CLDND1: variants seen among roughly 807,000 people sequenced by gnomAD.
CLDND1 encodes the protein claudin domain-containing protein 1.
CLDND1 carries 13 observed loss-of-function variants against 26.3 expected under a neutral mutation model. The observed-to-expected ratio is 0.49, with a 90% CI of 0.32 to 0.78. CLDND1 has a LOEUF of 0.78. CLDND1 is among the 30% of genes least tolerant of loss of function. The pLI is 0.03. For missense variants in CLDND1, 289 were observed against 312.8 expected (o/e 0.92, Z 0.57); for synonymous variants, 107 against 107.0 (o/e 1.00, Z 0.00).
Position 98,521,113 on chromosome 3 carries a change from A to G in CLDND1, c.292+20T>C. ...TTATTAACCAGGTGAAGAAGACAGA[A>G]GTTAAAATAAGAGAAATACCTGTCC... On this transcript the variant is annotated intron_variant, in intron 2 of 4. Coordinates refer to ENST00000341181, the MANE Select transcript of CLDND1 (RefSeq NM_001040181.2). The G allele has an allele frequency of 1.9e-6, 3 of 1,592,818 alleles. No individual in the cohort carries two copies. Among genetic ancestry groups the G allele is most frequent in the East Asian group, 2.2e-5 (1 of 44,550 alleles).
Position 98,515,688 on chromosome 3 carries a change from A to G in CLDND1, c.*971T>C. ...TAATGTTGATACACACCAGGAAGGGATTTAGGCAAGGAAAGGCACATCATA... is the reference window on the plus strand; with the variant it reads ...TAATGTTGATACACACCAGGAAGGGGTTTAGGCAAGGAAAGGCACATCATA... On this transcript the variant is annotated 3_prime_UTR_variant, in exon 5 of 5. Coordinates refer to ENST00000341181, the MANE Select transcript of CLDND1 (RefSeq NM_001040181.2). 7.8e-7 allele frequency: 1 copy of G among 1,286,042 alleles called. No homozygotes were observed. Among genetic ancestry groups the G allele is most frequent in the Non-Finnish European group, 1.0e-6 (1 of 986,588 alleles). 79.7% of individuals were successfully genotyped at this position (1,286,042 alleles called of 1,614,324 possible).
intron 3 of CLDND1, among the ~76,000 whole-genome samples, chr3:98,517,833 T>C (rs981314671): frequency 9.2e-5 from 14 of 152,132 alleles, no homozygotes; most frequent in African/African-American, 3.1e-4. Flanking sequence ...CTTGTAAAAA[T>C]AACACAGTAA....
rs940411153 is a variant in CLDND1 at position 98,515,995 on chromosome 3, A to G, written c.*664T>C. 10 of 1,175,670 alleles carry G rather than the reference A, an allele frequency of 8.5e-6. No homozygotes were observed. Among genetic ancestry groups the G allele is most frequent in the Non-Finnish European group, 1.1e-5 (10 of 935,768 alleles). 72.8% of individuals were successfully genotyped at this position (1,175,670 alleles called of 1,614,324 possible). On this transcript the variant is annotated 3_prime_UTR_variant, in exon 5 of 5. Transcript: ENST00000341181. ...CTTACGGAGAGTTAAAAATAATACT[A>G]ATCCTCGCCCGGCTGAACTGGAATT...
At position 98,521,404 on chromosome 3, in the gene CLDND1, T is replaced by C. The variant is rs752923629; in HGVS notation, c.21A>G (p.Thr7=). 6.2e-6 allele frequency: 10 copies of C among 1,614,006 alleles called. No homozygotes were observed. In the East Asian group the frequency reaches 2.2e-4, roughly 36 times the overall value. MDNRFA[T]AFVIACVLSL... Reference sequence around the variant, plus strand: ...TAAGCACACAAGCAATTACAAATGCTGTAGCAAAACGGTTATCCATTCTGG... The same window carrying C: ...TAAGCACACAAGCAATTACAAATGCCGTAGCAAAACGGTTATCCATTCTGG... The change falls in exon 2 of 5, where the codon ACA becomes ACG. Residue 7 remains threonine (T), a synonymous_variant. Transcript: ENST00000341181.
chr3:98,518,202 T>C (rs961563864), intron 3 of CLDND1, among the ~76,000 whole-genome samples: 6 of 152,196 alleles, frequency 3.9e-5, no homozygotes, highest in African/African-American at 1.4e-4. Context: ...TTTTCTAACT[T>C]ACTTTCTTTC....
In CLDND1 at chr3:98,517,078, G is replaced by A; in HGVS notation, c.515C>T (p.Ala172Val). The A allele has an allele frequency of 6.2e-7, 1 of 1,614,156 alleles. No homozygotes were observed. Among genetic ancestry groups the A allele is most frequent in the South Asian group, 1.1e-5 (1 of 91,082 alleles). ...CICRSLYPTI[A>V]TGILHLLAGL... ...TGCAAGGAGATGGAGAATGCCCGTG[G>A]CAATGGTGGGATATAAGCTTCGGCA... Residue 172 changes from alanine to valine, a missense_variant, in exon 4 of 5, where the codon GCC (alanine) becomes GTC (valine). Transcript: ENST00000341181.
intron 1 of CLDND1, 62 bp downstream of exon 1, chr3:98,522,787 C>A: frequency 6.2e-7 from 1 of 1,613,090 alleles, no homozygotes; most frequent in South Asian, 1.1e-5. Flanking sequence ...CCTCTTCAAA[C>A]CGCCGGGAAC....
At chr3:98,518,848 G>A (rs1266058282) in intron 3 of CLDND1, 37 bp downstream of exon 3, 3 of 1,176,126 alleles carry the variant, frequency 2.6e-6, no homozygotes, top group Non-Finnish European at 3.8e-6. Flanking sequence ...AATTATCTTT[G>A]TTCCCCCAAC....
intron 2 of CLDND1, among the ~76,000 whole-genome samples, chr3:98,520,253 C>G (rs751111686): frequency 9.2e-5 from 14 of 152,206 alleles, no homozygotes; most frequent in Non-Finnish European, 2.1e-4. Context: ...TCAAGTGCTC[C>G]TGTAACCTCA....
In CLDND1 at chr3:98,516,888, A is replaced by G. The variant is rs974750449; in HGVS notation, c.542-9T>C. ...GCCCAGTGTACACAGACCTTGGGGG[A>G]AAATTTAGAAAACAAAACAAAACAT... On this transcript the variant is annotated splice_polypyrimidine_tract_variant and intron_variant, in intron 4 of 4. Coordinates refer to ENST00000341181, the MANE Select transcript of CLDND1 (RefSeq NM_001040181.2). 24 of 1,613,500 alleles carry G rather than the reference A, an allele frequency of 1.5e-5. No homozygotes were observed. The East Asian group carries it at 5.1e-4, about 34-fold the overall frequency.
Position 98,521,018 on chromosome 3 carries a change from T to C in CLDND1, c.292+115A>G, listed in dbSNP as rs955658510. The C allele has an allele frequency of 2.6e-5, 22 of 855,220 alleles. No homozygotes were observed. The Admixed American group carries it at 3.7e-4, about 14-fold the overall frequency. 53.0% of individuals were successfully genotyped at this position (855,220 alleles called of 1,614,324 possible). On this transcript the variant is annotated intron_variant, in intron 2 of 4. Coordinates refer to ENST00000341181, the MANE Select transcript of CLDND1 (RefSeq NM_001040181.2). ...AGAAAGAGAAGATACACGATTTATT[T>C]CTTTAAGGAGAGAGAGAACCAACAA... is the stretch of plus-strand genomic sequence containing the variant.
Position 98,516,130 on chromosome 3 carries a change from T to G in CLDND1, c.*529A>C. 1 of 1,069,824 alleles carries G rather than the reference T, an allele frequency of 9.3e-7. No individual in the cohort carries two copies. Among genetic ancestry groups the G allele is most frequent in the Non-Finnish European group, 1.1e-6 (1 of 878,538 alleles). The allele number at this position is 1,069,824 out of a possible 1,614,324, so 66.3% of individuals were successfully genotyped here. On this transcript the variant is annotated 3_prime_UTR_variant, in exon 5 of 5. Coordinates refer to ENST00000341181, the MANE Select transcript of CLDND1 (RefSeq NM_001040181.2). ...CCATATCTCACCTCAGATGAAGCTA[T>G]GTGTCAATGCTTAGGGAAAATGATC...
chr3:98,522,769 AG>A, intron 1 of CLDND1, 79 bp downstream of exon 1: 1 of 1,610,820 alleles, frequency 6.2e-7, no homozygotes, highest in Admixed American at 1.7e-5. Flanking sequence ...ACGCCCGGGA[AG>A]GGGGCCCCTC....
At chr3:98,517,362 T>TTTTACTTTTATCAG in intron 3 of CLDND1, 173 bp from the exon 4 acceptor site, 2 of 718,436 alleles carry the variant, frequency 2.8e-6, no homozygotes, top group Non-Finnish European at 4.5e-6. Context: ...ACTCTTGTCC[T>TTTTACTTTTATCAG]GATAAAAGTA....
At chr3:98,521,480 T>A in intron 1 of CLDND1, 38 bp from the exon 2 acceptor site, 1 of 1,578,204 alleles carries the variant, frequency 6.3e-7, no homozygotes, top group Non-Finnish European at 8.7e-7. Context: ...AGTTAGAGTT[T>A]ACGGACAAAT....
At position 98,517,122 on chromosome 3, in the gene CLDND1, G is replaced by C. The variant is rs755869773; in HGVS notation, c.471C>G (p.Ile157Met). ...SLGLMCFGALIGLCACICRSL... is the reference protein window; with the variant it reads ...SLGLMCFGALMGLCACICRSL... ...TTCGGCAAATGCAAGCACAAAGTCC[G>C]ATCAAAGCCCCAAAGCACATCAAAC... Residue 157 changes from isoleucine to methionine, a missense_variant, in exon 4 of 5, where the codon ATC becomes ATG. Transcript: ENST00000341181. 2 of 1,614,128 alleles carry C rather than the reference G, an allele frequency of 1.2e-6. No individual in the cohort carries two copies. The highest frequency in any genetic ancestry group is 1.7e-6 in the Non-Finnish European group (2 of 1,180,000).
In CLDND1 at chr3:98,521,230, A is replaced by G. The variant is rs917776008; in HGVS notation, c.195T>C (p.Asn65=). Residue 65 remains asparagine, a synonymous_variant, in exon 2 of 5, where the codon AAT becomes AAC. Transcript: ENST00000341181. The part of the protein sequence containing the change: ...ISDEADEKTY[N]DALFRYNGTV... The stretch of plus-strand genomic sequence containing the variant: ...TGCCATTGTATCGAAAAAGTGCATC[A>G]TTATAAGTCTTTTCATCTGCCTCAT... 4 of 1,614,120 alleles carry G rather than the reference A, an allele frequency of 2.5e-6. No homozygotes were observed. The African/African-American group carries it at 5.3e-5, about 22-fold the overall frequency.
chr3:98,516,104 G>A lies in CLDND1; in HGVS notation c.*555C>T. ...AGACACAGTGCAGATACAAACAGCT[G>A]CCATATCTCACCTCAGATGAAGCTA... On this transcript the variant is annotated 3_prime_UTR_variant, in exon 5 of 5. Coordinates refer to ENST00000341181, the MANE Select transcript of CLDND1 (RefSeq NM_001040181.2). The A allele has an allele frequency of 3.7e-6, 4 of 1,080,724 alleles. No individual in the cohort carries two copies. The highest frequency in any genetic ancestry group is 4.5e-6 in the Non-Finnish European group (4 of 880,286). 66.9% of individuals were successfully genotyped at this position (1,080,724 alleles called of 1,614,324 possible).
intron 2 of CLDND1, chr3:98,520,851 G>C (rs937884938): frequency 2.3e-5 from 8 of 343,654 alleles, no homozygotes; most frequent in Non-Finnish European, 4.2e-5. Context: ...ACATGTGTTA[G>C]AGTAATGAAA....
Sources: gnomAD v4.1 joint callset for allele counts (sites outside exome capture counted in the v4.1 genomes callset) on GRCh38, gnomAD v4.1.1 for gene constraint, MANE v1.5 for transcripts, NCBI Gene and HGNC (gene_info 2026-07-23, HGNC 2026-07-21) for gene names.